ITGA1: variants seen among roughly 807,000 people sequenced by gnomAD.
ITGA1 encodes the protein integrin subunit alpha 1, also known as integrin alpha-1.
A neutral mutation model predicts 145.9 loss-of-function variants in ITGA1; 85 were observed. That is an observed-to-expected ratio of 0.58 (90% CI 0.49 to 0.70). The LOEUF (loss-of-function observed/expected upper bound fraction) is 0.70, where lower values mean the gene tolerates loss of function less well. Among genes scored for constraint, ITGA1 ranks in the 30% least tolerant of loss-of-function variants. The pLI is 0.00. For synonymous variants in ITGA1, 520 were observed against 495.3 expected, an observed-to-expected ratio of 1.05 and a Z score of -0.66; for missense variants, 1,351 against 1,418.7, an observed-to-expected ratio of 0.95 and a Z score of 0.77.
intron 2 of ITGA1, among the ~76,000 whole-genome samples, chr5:52,858,857 A>T (rs1380406278): frequency 6.6e-6 from 1 of 152,180 alleles, no homozygotes; most frequent in Non-Finnish European, 1.5e-5. Context: ...AGCATTTTAT[A>T]TACATTAACT....
At chr5:52,855,206 A>G (rs573884365) in intron 2 of ITGA1, among the ~76,000 whole-genome samples, 1 of 152,308 alleles carries the variant, frequency 6.6e-6, no homozygotes, top group East Asian at 1.9e-4. Flanking sequence ...ATGGAACACC[A>G]GCCTTCTGAC....
At chr5:52,897,626 T>A in intron 10 of ITGA1, 98 bp downstream of exon 10, 1 of 776,242 alleles carries the variant, frequency 1.3e-6, no homozygotes, top group Non-Finnish European at 2.2e-6. Context: ...CAACGTGCAG[T>A]TCATAGCTTG....
chr5:52,880,053 G>C (rs570344178), intron 6 of ITGA1, among the ~76,000 whole-genome samples: 4 of 152,122 alleles, frequency 2.6e-5, no homozygotes, highest in Non-Finnish European at 5.9e-5. Context: ...CAAATTCATT[G>C]AGTAGCCATG....
At chr5:52,840,230 T>G (rs1749230634) in intron 1 of ITGA1, among the ~76,000 whole-genome samples, 1 of 152,354 alleles carries the variant, frequency 6.6e-6, no homozygotes, top group African/African-American at 2.4e-5. Flanking sequence ...ATTCAGATTC[T>G]TATACATGCA....
Position 52,959,117 on chromosome 5 carries a change from G to A in ITGA1, c.*6666G>A, listed in dbSNP as rs540787231. 2 of 152,196 alleles carry A rather than the reference G, an allele frequency of 1.3e-5. No individual in the cohort carries two copies. The highest frequency in any genetic ancestry group is 3.9e-4 in the East Asian group (2 of 5,180). The allele number at this position is 152,196 out of a possible 1,614,324, so 9.4% of individuals were successfully genotyped here. A position where few individuals can be genotyped will look rare whatever the true frequency, so the allele number is the denominator to read the frequency against. ...AGCTTTGGTATTTTTGTATAATTCT[G>A]TCTTATCTGGTGCATCAGCTGTGTA... On this transcript the variant is annotated 3_prime_UTR_variant, in exon 29 of 29. Transcript: ENST00000282588.
At position 52,955,548 on chromosome 5, in the gene ITGA1, C is replaced by T. The variant is rs1751292511; in HGVS notation, c.*3097C>T. 6.6e-6 allele frequency: 1 copy of T among 152,042 alleles called. No individual in the cohort carries two copies. Among genetic ancestry groups the T allele is most frequent in the South Asian group, 2.1e-4 (1 of 4,828 alleles). 9.4% of individuals were successfully genotyped at this position (152,042 alleles called of 1,614,324 possible). A position where few individuals can be genotyped will look rare whatever the true frequency, so the allele number is the denominator to read the frequency against. The stretch of plus-strand genomic sequence containing the variant: ...TAATTTTGATTTCTAAAATTATAAC[C>T]TTCCTTTGATATTAATAAAATGTTA... On this transcript the variant is annotated 3_prime_UTR_variant, in exon 29 of 29. Coordinates refer to ENST00000282588, the MANE Select transcript of ITGA1 (RefSeq NM_181501.2).
intron 12 of ITGA1, among the ~76,000 whole-genome samples, chr5:52,906,563 CA>C (rs1476597302): frequency 6.6e-6 from 1 of 152,158 alleles, no homozygotes; most frequent in African/African-American, 2.4e-5. Flanking sequence ...CATTTACACA[CA>C]CACATATTAA....
chr5:52,928,347 C>T (rs1045497175), intron 20 of ITGA1, among the ~76,000 whole-genome samples: 7 of 152,134 alleles, frequency 4.6e-5, no homozygotes, highest in African/African-American at 1.7e-4. Flanking sequence ...AAAAAGAATG[C>T]TTCAAATAGA....
intron 1 of ITGA1, among the ~76,000 whole-genome samples, chr5:52,826,043 G>T (rs1018190123): frequency 2.0e-5 from 3 of 152,220 alleles, no homozygotes. Context: ...ACTGCGCTTA[G>T]TGAGGAAAGC....
At chr5:52,882,202 C>A (rs1749971943) in intron 7 of ITGA1, among the ~76,000 whole-genome samples, 181 bp downstream of exon 7, 1 of 152,064 alleles carries the variant, frequency 6.6e-6, no homozygotes, top group South Asian at 2.1e-4. Flanking sequence ...CACAATCTCA[C>A]CATCCTTCTT....
chr5:52,953,844 T>TAACAAG lies in ITGA1; in HGVS notation c.*1394_*1395insACAAGA. 6.6e-6 allele frequency: 1 copy of TAACAAG among 152,346 alleles called. No individual in the cohort carries two copies. The highest frequency in any genetic ancestry group is 1.9e-4 in the East Asian group (1 of 5,190). The allele number at this position is 152,346 out of a possible 1,614,324, so 9.4% of individuals were successfully genotyped here. A position where few individuals can be genotyped will look rare whatever the true frequency, so the allele number is the denominator to read the frequency against. ...TGCAACAACATTTCTCCATCTGATT[T>TAACAAG]ACCAGAACCTGTAACAAGACCAGAA... On this transcript the variant is annotated 3_prime_UTR_variant, in exon 29 of 29. Transcript: ENST00000282588.
At chr5:52,808,211 A>T (rs1748626314) in intron 1 of ITGA1, among the ~76,000 whole-genome samples, 1 of 152,262 alleles carries the variant, frequency 6.6e-6, no homozygotes, top group South Asian at 2.1e-4. Context: ...AAGAAGTCAA[A>T]TAAATGTAAT....
chr5:52,912,902 A>G (rs550287759), intron 14 of ITGA1, among the ~76,000 whole-genome samples: 1 of 151,646 alleles, frequency 6.6e-6, no homozygotes, highest in South Asian at 2.1e-4. Context: ...TCCCGCCACC[A>G]CGCCCGGCTA....
At chr5:52,823,938 C>T (rs766341955) in intron 1 of ITGA1, among the ~76,000 whole-genome samples, 17 of 152,210 alleles carry the variant, frequency 1.1e-4, no homozygotes, top group Non-Finnish European at 2.4e-4. Flanking sequence ...TACAAGTATA[C>T]GGAATATCAT....
intron 26 of ITGA1, 80 bp downstream of exon 26, chr5:52,940,024 T>A (rs2447874): frequency 0.73 from 631,710 of 864,552 alleles, 231,389 homozygotes; most frequent in Non-Finnish European, 0.75. Flanking sequence ...TGCAAGGCAC[T>A]GTGCTGCTTT....
intron 3 of ITGA1, among the ~76,000 whole-genome samples, chr5:52,862,817 A>G (rs1412794665): frequency 6.6e-6 from 1 of 152,218 alleles, no homozygotes; most frequent in Admixed American, 6.5e-5. Context: ...TATGGAAATT[A>G]TTTATAGCCC....
chr5:52,930,410 G>A (rs1368773553), intron 21 of ITGA1, among the ~76,000 whole-genome samples: 1 of 152,092 alleles, frequency 6.6e-6, no homozygotes, highest in African/African-American at 2.4e-5. Context: ...CATCTATTAT[G>A]CACAAGATAT....
chr5:52,809,650 T>G, intron 1 of ITGA1, among the ~76,000 whole-genome samples: 1 of 151,808 alleles, frequency 6.6e-6, no homozygotes, highest in East Asian at 1.9e-4. Context: ...GGATTACAGG[T>G]GCGTGCCACC....
At position 52,943,218 on chromosome 5, in the gene ITGA1, G is replaced by T. The variant is rs74805533; in HGVS notation, c.3286-1725G>T. Reference sequence around the variant, plus strand: ...ATATTGGCTAGGATTAGTTACAGATGACTCTTATTATTTGGAGGTATGTTT... The same window carrying T: ...ATATTGGCTAGGATTAGTTACAGATTACTCTTATTATTTGGAGGTATGTTT... On this transcript the variant is annotated intron_variant, in intron 26 of 28. Transcript: ENST00000282588. Among the ~76,000 whole-genome samples, 901 of 152,208 alleles carry T rather than the reference G, an allele frequency of 5.9e-3. 7 individuals carry two copies. The highest frequency in any genetic ancestry group is 0.021 in the African/African-American group (867 of 41,532).
Sources: allele counts gnomAD v4.1 joint callset (sites outside exome capture counted in the v4.1 genomes callset), GRCh38; gene constraint gnomAD v4.1.1; transcripts MANE v1.5; gene names NCBI Gene and HGNC (gene_info 2026-07-23, HGNC 2026-07-21).